The following ABCG2 variants were observed in gnomAD, a reference collection of about 807,000 sequenced individuals.
ABCG2 encodes broad substrate specificity ATP-binding cassette transporter ABCG2.
ABCG2 carries 80 observed loss-of-function variants against 73.5 expected under a neutral mutation model. That is an observed-to-expected ratio of 1.09 (90% confidence interval 0.91 to 1.31). The LOEUF (loss-of-function observed/expected upper bound fraction) is 1.31, where lower values mean the gene tolerates loss of function less well. ABCG2 is among the 50% of genes most tolerant of loss of function. The pLI is 0.00. For synonymous variants in ABCG2, 269 were observed against 282.4 expected, an observed-to-expected ratio of 0.95 and a Z score of 0.48; for missense variants, 796 against 786.2, an observed-to-expected ratio of 1.01 and a Z score of -0.15.
At chr4:88,172,983 T>C (rs1322599883) in intron 1 of ABCG2, among the ~76,000 whole-genome samples, 1 of 152,206 alleles carries the variant, frequency 6.6e-6, no homozygotes, top group Non-Finnish European at 1.5e-5. Flanking sequence ...GCCTGGTCTC[T>C]GCTCCTGTTC....
At chr4:88,205,933 G>A (rs532886287) in intron 1 of ABCG2, among the ~76,000 whole-genome samples, 5 of 152,142 alleles carry the variant, frequency 3.3e-5, no homozygotes, top group African/African-American at 7.2e-5. Context: ...CGCCTGCCTC[G>A]GCCTCCCAAA....
chr4:88,153,746 C>G (rs1398609990), intron 1 of ABCG2, among the ~76,000 whole-genome samples: 1 of 152,062 alleles, frequency 6.6e-6, no homozygotes, highest in African/African-American at 2.4e-5. Context: ...GTGAAAGTGT[C>G]TACCCAGACC....
At chr4:88,128,930 T>TA (rs1350591985) in intron 5 of ABCG2, among the ~76,000 whole-genome samples, 1 of 152,090 alleles carries the variant, frequency 6.6e-6, no homozygotes. Flanking sequence ...TAAAATTTTT[T>TA]AAAAAAAGCA....
chr4:88,138,154 A>G (rs554589963), intron 2 of ABCG2, among the ~76,000 whole-genome samples: 311 of 152,358 alleles, frequency 2.0e-3, no homozygotes, highest in Non-Finnish European at 3.5e-3. Flanking sequence ...TCTAAAAAAT[A>G]AATAAATAAA....
intron 9 of ABCG2, among the ~76,000 whole-genome samples, chr4:88,108,343 G>A (rs1307318311): frequency 8.4e-5 from 12 of 142,764 alleles, no homozygotes; most frequent in Non-Finnish European, 4.7e-5. Context: ...GCAACATGGT[G>A]AGACTCCGTC....
intron 6 of ABCG2, among the ~76,000 whole-genome samples, chr4:88,120,095 G>A (rs913203280): frequency 6.6e-6 from 1 of 152,150 alleles, no homozygotes; most frequent in Admixed American, 6.5e-5. Context: ...CTCGAGACTT[G>A]GTACCCTATG....
chr4:88,110,905 G>A (rs1043675769), intron 9 of ABCG2, among the ~76,000 whole-genome samples: 20 of 152,172 alleles, frequency 1.3e-4, no homozygotes, highest in African/African-American at 4.3e-4. Context: ...CTAAGCAGAT[G>A]CTCAGGGAGA....
intron 1 of ABCG2, among the ~76,000 whole-genome samples, chr4:88,213,974 C>G (rs1285210705): frequency 7.2e-6 from 1 of 139,056 alleles, no homozygotes; most frequent in Non-Finnish European, 1.5e-5. Context: ...TGAGCCACCA[C>G]GCCCGGCCTT....
At chr4:88,164,730 G>A (rs1727447229) in intron 1 of ABCG2, among the ~76,000 whole-genome samples, 1 of 152,128 alleles carries the variant, frequency 6.6e-6, no homozygotes, top group African/African-American at 2.4e-5. Flanking sequence ...GTAACAAAAG[G>A]GAAGGAAGTT....
chr4:88,211,358 G>GTCCCCC (rs1553900212), intron 1 of ABCG2, among the ~76,000 whole-genome samples: 1 of 33,648 alleles, frequency 3.0e-5, no homozygotes, highest in Non-Finnish European at 5.6e-5. Context: ...TTCAACCCCT[G>GTCCCCC]CCCCACCCCC....
chr4:88,099,909 G>A (rs901870376), intron 11 of ABCG2, among the ~76,000 whole-genome samples: 1 of 152,034 alleles, frequency 6.6e-6, no homozygotes. Flanking sequence ...AGCTTCAGAT[G>A]ACTAAGCTCT....
intron 1 of ABCG2, among the ~76,000 whole-genome samples, chr4:88,194,254 A>T: frequency 6.6e-6 from 1 of 152,022 alleles, no homozygotes. Flanking sequence ...AACAAGACAG[A>T]AGGAGTGTGG....
chr4:88,223,127 G>C (rs1730072697), intron 1 of ABCG2, among the ~76,000 whole-genome samples: 1 of 152,170 alleles, frequency 6.6e-6, no homozygotes, highest in South Asian at 2.1e-4. Context: ...ATTTGCTTTT[G>C]ATTTTACAGG....
rs368326588 is a variant in ABCG2, at chr4:88,191,499, T to C, written c.-20+39495A>G. ...GTGGAGAAATTGAAATCTTCATACA[T>C]TGCTGGTAGGAATTTAAAAATGATA... is the stretch of plus-strand genomic sequence containing the variant. On this transcript the variant is annotated intron_variant, in intron 1 of 15. Coordinates refer to the ABCG2 transcript ENST00000515655. Among the ~76,000 whole-genome samples the C allele has an allele frequency of 7.9e-5, 12 of 152,208 alleles. No homozygotes were observed. In the East Asian group the frequency reaches 2.3e-3, roughly 29 times the overall value.
At chr4:88,144,449 CTTTTTTTT>C (rs59434855) in intron 1 of ABCG2, among the ~76,000 whole-genome samples, 8 of 77,582 alleles carry the variant, frequency 1.0e-4, no homozygotes, top group South Asian at 4.6e-4. Flanking sequence ...CACATTTTTA[CTTTTTTTT>C]TTTTTTTTTT....
chr4:88,130,151 C>T (rs1724746160), intron 5 of ABCG2, among the ~76,000 whole-genome samples: 1 of 152,166 alleles, frequency 6.6e-6, no homozygotes, highest in East Asian at 1.9e-4. Context: ...GGGTCCCCAA[C>T]TTCTGGGGAA....
At chr4:88,098,396 C>T (rs1344396483) in intron 12 of ABCG2, among the ~76,000 whole-genome samples, 4 of 151,742 alleles carry the variant, frequency 2.6e-5, no homozygotes, top group Admixed American at 2.6e-4. Context: ...TGGAGTGAAG[C>T]CTGAGCATAA....
intron 1 of ABCG2, among the ~76,000 whole-genome samples, chr4:88,177,335 G>A (rs571281485): frequency 6.6e-6 from 1 of 151,556 alleles, no homozygotes; most frequent in African/African-American, 2.4e-5. Flanking sequence ...GATTGGCCAC[G>A]GCACTCCAGC....
chr4:88,117,324 G>GAA (rs113415313), intron 7 of ABCG2, among the ~76,000 whole-genome samples: 1 of 133,344 alleles, frequency 7.5e-6, no homozygotes, highest in African/African-American at 2.7e-5. Flanking sequence ...TATCTCAAAA[G>GAA]AAAAAAAAAA....
Sources: allele counts gnomAD v4.1 joint callset (sites outside exome capture counted in the v4.1 genomes callset), GRCh38; gene constraint gnomAD v4.1.1; transcripts MANE v1.5; gene names NCBI Gene and HGNC (gene_info 2026-07-23, HGNC 2026-07-21).